UFL1: variants seen among roughly 807,000 people sequenced by gnomAD.
UFL1 encodes UFM1 specific ligase 1, also known as E3 UFM1-protein ligase 1.
UFL1 carries 78 observed loss-of-function variants against 99.3 expected under a neutral mutation model. That is an observed-to-expected ratio of 0.79 (90% CI 0.65 to 0.95). UFL1 has a LOEUF of 0.95. Among genes scored for constraint, UFL1 ranks in the 40% least tolerant of loss-of-function variants. The pLI is 0.00. For missense variants in UFL1, 936 were observed against 937.0 expected, an observed-to-expected ratio of 1.00 and a Z score of 0.01; for synonymous variants, 335 against 322.2, an observed-to-expected ratio of 1.04 and a Z score of -0.42.
chr6:96,525,223 G>A lies in UFL1; in HGVS notation c.253-74G>A, dbSNP rs547225945. 27 of 1,212,132 alleles carry A rather than the reference G, an allele frequency of 2.2e-5. No individual in the cohort carries two copies. In the East Asian group the frequency reaches 6.4e-4, roughly 29 times the overall value. The allele number at this position is 1,212,132 out of a possible 1,614,324, so 75.1% of individuals were successfully genotyped here. A position where few individuals can be genotyped will look rare whatever the true frequency, so the allele number is the denominator to read the frequency against. ...GGCCGGCAATTTCTTTAAAAATATAGTTCTAAGTATATAATTTCAAGCTTA... is the reference window on the plus strand; with the variant it reads ...GGCCGGCAATTTCTTTAAAAATATAATTCTAAGTATATAATTTCAAGCTTA... On this transcript the variant is annotated intron_variant, in intron 3 of 18. Coordinates refer to ENST00000369278, the MANE Select transcript of UFL1 (RefSeq NM_015323.5).
chr6:96,525,166 G>C (rs1769681031), intron 3 of UFL1, 131 bp from the exon 4 acceptor site: 2 of 639,874 alleles, frequency 3.1e-6, no homozygotes, highest in East Asian at 3.3e-5. Flanking sequence ...TCCTCCCAAA[G>C]TGCTGGAATC....
intron 7 of UFL1, among the ~76,000 whole-genome samples, chr6:96,534,900 A>G (rs1227156392): frequency 1.3e-5 from 2 of 151,940 alleles, no homozygotes; most frequent in Non-Finnish European, 2.9e-5. Flanking sequence ...TAAGAACTAA[A>G]ATGAAAAATG....
chr6:96,531,016 C>A (rs1331747060), intron 6 of UFL1, among the ~76,000 whole-genome samples: 2 of 152,290 alleles, frequency 1.3e-5, no homozygotes, highest in East Asian at 3.9e-4. Context: ...CCTGTCAGAT[C>A]AGTGGCGGCA....
chr6:96,524,699 A>T (rs1769674524), intron 3 of UFL1, among the ~76,000 whole-genome samples: 1 of 152,172 alleles, frequency 6.6e-6, no homozygotes, highest in Non-Finnish European at 1.5e-5. Context: ...AAATGAACTC[A>T]TAGTTATTTT....
At position 96,553,542 on chromosome 6, in the gene UFL1, C is replaced by A. The variant is rs756489851; in HGVS notation, c.*39C>A. 6.9e-6 allele frequency: 11 copies of A among 1,583,578 alleles called. No individual in the cohort carries two copies. Among genetic ancestry groups the A allele is most frequent in the South Asian group, 3.4e-5 (3 of 87,618 alleles). On this transcript the variant is annotated 3_prime_UTR_variant, in exon 19 of 19. Transcript: ENST00000369278. The stretch of plus-strand genomic sequence containing the variant: ...CATTTGTCATATAGTAAGCATTTTC[C>A]CCCAAGGTTGAAGGTGAGTGGTCAC...
chr6:96,551,729 T>G, intron 16 of UFL1, 109 bp from the exon 17 acceptor site: 1 of 825,168 alleles, frequency 1.2e-6, no homozygotes, highest in South Asian at 2.0e-5. Flanking sequence ...AAAGTGACCC[T>G]TTTAAAAATT....
chr6:96,527,964 G>A (rs934868785), intron 5 of UFL1, among the ~76,000 whole-genome samples: 6 of 152,250 alleles, frequency 3.9e-5, no homozygotes, highest in African/African-American at 1.4e-4. Flanking sequence ...CTTGAAAGAA[G>A]GTTACCAAGA....
intron 6 of UFL1, among the ~76,000 whole-genome samples, chr6:96,531,007 C>T (rs1769774911): frequency 6.6e-6 from 1 of 152,216 alleles, no homozygotes; most frequent in African/African-American, 2.4e-5. Flanking sequence ...GCTGCTCCTC[C>T]TGTCAGATCA....
In UFL1 at chr6:96,548,248, A is replaced by C; in HGVS notation, c.1487A>C (p.Glu496Ala). 6.2e-7 allele frequency: 1 copy of C among 1,603,282 alleles called. No homozygotes were observed. The highest frequency in any genetic ancestry group is 8.5e-7 in the Non-Finnish European group (1 of 1,175,624). Residue 496 changes from glutamate to alanine, a missense_variant, in exon 13 of 19, where the codon GAG (glutamate) becomes GCG (alanine). By Grantham distance (107) the Glu-to-Ala change is moderately radical (BLOSUM62 -1). Coordinates refer to ENST00000369278, the MANE Select transcript of UFL1 (RefSeq NM_015323.5). ...AAACACATACAAGATGCCCCTGAGG[A>C]GTTTATTTCGGAACTTGCTGAGTAC... is the stretch of plus-strand genomic sequence containing the variant. ...LRKHIQDAPE[E>A]FISELAEYLI...
chr6:96,528,677 AT>A, intron 6 of UFL1, 45 bp downstream of exon 6: 1 of 1,528,310 alleles, frequency 6.5e-7, no homozygotes, highest in Non-Finnish European at 8.8e-7. Context: ...TTCTTTGATC[AT>A]GGTTTGCATT....
intron 6 of UFL1, among the ~76,000 whole-genome samples, chr6:96,533,813 A>G (rs902917096): frequency 6.6e-5 from 10 of 151,592 alleles, no homozygotes; most frequent in Middle Eastern, 3.4e-3. Context: ...AAAAAAAAAA[A>G]AAAAGATTTT....
chr6:96,536,590 A>G (rs147491721), intron 8 of UFL1, among the ~76,000 whole-genome samples, 200 bp downstream of exon 8: 262 of 151,914 alleles, frequency 1.7e-3, no homozygotes, highest in African/African-American at 6.1e-3. Flanking sequence ...GTTCCCTTTG[A>G]GTATAAAAGT....
At chr6:96,534,886 A>C (rs889628489) in intron 7 of UFL1, among the ~76,000 whole-genome samples, 11 of 151,900 alleles carry the variant, frequency 7.2e-5, no homozygotes, top group Non-Finnish European at 1.5e-5. Flanking sequence ...TATCTGTGCA[A>C]ATGTAAGAAC....
At chr6:96,550,735 A>G (rs1299584609) in intron 15 of UFL1, among the ~76,000 whole-genome samples, 1 of 151,784 alleles carries the variant, frequency 6.6e-6, no homozygotes, top group Admixed American at 6.6e-5. Flanking sequence ...CTGCCCTTAT[A>G]CCAATCTCTG....
intron 6 of UFL1, among the ~76,000 whole-genome samples, chr6:96,533,545 G>A (rs1769812181): frequency 1.3e-5 from 2 of 151,912 alleles, no homozygotes; most frequent in Admixed American, 1.3e-4. Flanking sequence ...GCAGAAAACA[G>A]ATAGTTATCT....
intron 6 of UFL1, among the ~76,000 whole-genome samples, chr6:96,530,647 A>G (rs1245428836): frequency 6.6e-6 from 1 of 152,152 alleles, no homozygotes; most frequent in Non-Finnish European, 1.5e-5. Context: ...AGCTAGTGGT[A>G]GCGCCTGCAG....
At chr6:96,525,268 C>T in intron 3 of UFL1, 29 bp from the exon 4 acceptor site, 2 of 1,441,548 alleles carry the variant, frequency 1.4e-6, no homozygotes, top group South Asian at 1.2e-5. Flanking sequence ...ACAAACTAAT[C>T]ATTAATAGAT....
chr6:96,534,350 A>T lies in UFL1; in HGVS notation c.655+29A>T, dbSNP rs757305073. 15 of 1,475,416 alleles carry T rather than the reference A, an allele frequency of 1.0e-5. No homozygotes were observed. In the South Asian group the frequency reaches 1.9e-4, roughly 19 times the overall value. The allele number at this position is 1,475,416 out of a possible 1,614,324, so 91.4% of individuals were successfully genotyped here. A position where few individuals can be genotyped will look rare whatever the true frequency, so the allele number is the denominator to read the frequency against. On this transcript the variant is annotated intron_variant, in intron 7 of 18. Coordinates refer to ENST00000369278, the MANE Select transcript of UFL1 (RefSeq NM_015323.5). The stretch of plus-strand genomic sequence containing the variant: ...AGTTTGGTTTAAATTATATTTACTT[A>T]ATTAGCTGCTGAATAGACTATTAAT...
In UFL1 at chr6:96,529,355, G is replaced by A. The variant is rs77579775; in HGVS notation, c.596+723G>A. Among the ~76,000 whole-genome samples the A allele has an allele frequency of 1.7e-4, 26 of 152,176 alleles. 1 individual carries two copies. In the East Asian group the frequency reaches 5.0e-3, roughly 29 times the overall value. On this transcript the variant is annotated intron_variant, in intron 6 of 18. Coordinates refer to ENST00000369278, the MANE Select transcript of UFL1 (RefSeq NM_015323.5). ...CCCTTTATTCTATATCATCTATCAT[G>A]CTGTTTGTTCCCTCTCTTAAAGTGA... is the stretch of plus-strand genomic sequence containing the variant.
Sources: allele counts gnomAD v4.1 joint callset (sites outside exome capture counted in the v4.1 genomes callset), GRCh38; gene constraint gnomAD v4.1.1; transcripts MANE v1.5; gene names NCBI Gene and HGNC (gene_info 2026-07-23, HGNC 2026-07-21).